Variants in PTPRJ observed in about 807,000 individuals in gnomAD.
PTPRJ encodes the protein receptor-type tyrosine-protein phosphatase eta.
PTPRJ carries 129 observed loss-of-function variants against 141.3 expected under a neutral mutation model. The observed-to-expected ratio is 0.91, with a 90% confidence interval of 0.79 to 1.06. The LOEUF (loss-of-function observed/expected upper bound fraction) is 1.06. PTPRJ is among the 50% of genes least tolerant of loss of function. PTPRJ has a pLI of 0.00. For synonymous variants in PTPRJ, 610 were observed against 640.5 expected, an observed-to-expected ratio of 0.95 and a Z score of 0.72; for missense variants, 1,601 against 1,679.7, an observed-to-expected ratio of 0.95 and a Z score of 0.82.
At chr11:48,108,145 A>G (rs1368740925) in intron 1 of PTPRJ, among the ~76,000 whole-genome samples, 1 of 152,170 alleles carries the variant, frequency 6.6e-6, no homozygotes, top group East Asian at 1.9e-4. Context: ...TGAGCTTCAG[A>G]TTGCACATTG....
intron 6 of PTPRJ, among the ~76,000 whole-genome samples, chr11:48,125,469 A>G (rs2134344873): frequency 6.6e-6 from 1 of 152,322 alleles, no homozygotes; most frequent in Admixed American, 6.5e-5. Context: ...GTGGTGGCTG[A>G]TGAGACAAAC....
chr11:48,009,911 C>G (rs1229256330), intron 1 of PTPRJ, among the ~76,000 whole-genome samples: 1 of 152,224 alleles, frequency 6.6e-6, no homozygotes, highest in Non-Finnish European at 1.5e-5. Flanking sequence ...ATCTACTGCT[C>G]TAAGCCATCA....
At chr11:48,128,217 G>T (rs1485754257) in intron 7 of PTPRJ, among the ~76,000 whole-genome samples, 174 bp downstream of exon 7, 1 of 152,194 alleles carries the variant, frequency 6.6e-6, no homozygotes, top group African/African-American at 2.4e-5. Flanking sequence ...CCTGTGATGT[G>T]GTTGGAAGTA....
chr11:48,005,280 TCA>T (rs1399004084), intron 1 of PTPRJ, among the ~76,000 whole-genome samples: 1 of 151,406 alleles, frequency 6.6e-6, no homozygotes, highest in Non-Finnish European at 1.5e-5. Flanking sequence ...TGTGCAACCA[TCA>T]CTGCTGTCTA....
At chr11:48,153,922 C>T (rs1857543998) in intron 19 of PTPRJ, 36 bp downstream of exon 19, 1 of 1,355,822 alleles carries the variant, frequency 7.4e-7, no homozygotes, top group Non-Finnish European at 1.1e-6. Context: ...TCTCTGTGTT[C>T]CATCAGTGGC....
At chr11:48,105,862 G>T (rs1274825989) in intron 1 of PTPRJ, among the ~76,000 whole-genome samples, 4 of 152,148 alleles carry the variant, frequency 2.6e-5, no homozygotes, top group African/African-American at 9.7e-5. Flanking sequence ...GGCCAGTCTG[G>T]CGAGAGACCC....
At chr11:48,136,960 TA>T in intron 9 of PTPRJ, 42 bp from the exon 10 acceptor site, 1 of 1,506,052 alleles carries the variant, frequency 6.6e-7, no homozygotes, top group Non-Finnish European at 9.1e-7. Context: ...GAATTCTACT[TA>T]ATCTGTGCTT....
intron 8 of PTPRJ, chr11:48,131,384 A>G (rs1856981159): frequency 1.6e-6 from 1 of 640,598 alleles, no homozygotes; most frequent in African/African-American, 1.8e-5. Context: ...CACCCAGCCC[A>G]CAAATATATA....
At chr11:48,052,580 C>A (rs1358968334) in intron 1 of PTPRJ, among the ~76,000 whole-genome samples, 4 of 152,072 alleles carry the variant, frequency 2.6e-5, no homozygotes, top group Non-Finnish European at 5.9e-5. Flanking sequence ...CCAGGCGAGA[C>A]CAGAGATCTC....
At chr11:48,043,712 G>A (rs1233619819) in intron 1 of PTPRJ, among the ~76,000 whole-genome samples, 4 of 152,152 alleles carry the variant, frequency 2.6e-5, no homozygotes, top group Non-Finnish European at 1.5e-5. Flanking sequence ...TGAAATGGAC[G>A]GTGGGATCCT....
At chr11:48,002,020 G>C (rs960155039) in intron 1 of PTPRJ, among the ~76,000 whole-genome samples, 2 of 152,106 alleles carry the variant, frequency 1.3e-5, no homozygotes, top group Non-Finnish European at 2.9e-5. Context: ...GAGAACTAAG[G>C]GAGTACAACT....
intron 1 of PTPRJ, among the ~76,000 whole-genome samples, chr11:48,109,131 T>C (rs1590512563): frequency 6.6e-6 from 1 of 152,058 alleles, no homozygotes; most frequent in South Asian, 2.1e-4. Flanking sequence ...TAGGGGAGAA[T>C]CAGTTTCGAG....
At chr11:48,094,276 G>C (rs1855946867) in intron 1 of PTPRJ, among the ~76,000 whole-genome samples, 1 of 152,218 alleles carries the variant, frequency 6.6e-6, no homozygotes, top group Non-Finnish European at 1.5e-5. Context: ...GTCCCAAAGA[G>C]AGTGCCACTA....
At chr11:48,043,257 C>T (rs950408102) in intron 1 of PTPRJ, among the ~76,000 whole-genome samples, 5 of 152,112 alleles carry the variant, frequency 3.3e-5, no homozygotes, top group Non-Finnish European at 5.9e-5. Context: ...TGCTGTGTTG[C>T]CCAGGCTGGA....
At chr11:48,150,323 T>C (rs1565328695) in intron 18 of PTPRJ, 140 bp downstream of exon 18, 1 of 662,422 alleles carries the variant, frequency 1.5e-6, no homozygotes, top group Non-Finnish European at 2.6e-6. Flanking sequence ...CTTTATTCTC[T>C]CTCCTACAGA....
chr11:48,167,481 G>C lies in PTPRJ; in HGVS notation c.*119G>C. 1 of 1,244,322 alleles carries C rather than the reference G, an allele frequency of 8.0e-7. No individual in the cohort carries two copies. Among genetic ancestry groups the C allele is most frequent in the Non-Finnish European group, 1.1e-6 (1 of 912,028 alleles). The allele number at this position is 1,244,322 out of a possible 1,614,324, so 77.1% of individuals were successfully genotyped here. On this transcript the variant is annotated 3_prime_UTR_variant, in exon 25 of 25. Transcript: ENST00000418331. ...ATCTTAATTCTTTGTTCTGTTTTGT[G>C]AGAACTAATTTTGAGGGCATGAAGC...
chr11:48,118,723 C>T (rs888472092), intron 3 of PTPRJ, among the ~76,000 whole-genome samples: 1 of 152,188 alleles, frequency 6.6e-6, no homozygotes, highest in Non-Finnish European at 1.5e-5. Flanking sequence ...TCAGTAGATG[C>T]AGAAAAAACA....
chr11:48,075,576 C>A (rs1168987113), intron 1 of PTPRJ, among the ~76,000 whole-genome samples: 1 of 151,914 alleles, frequency 6.6e-6, no homozygotes, highest in African/African-American at 2.4e-5. Context: ...TGCCACCATG[C>A]CTGGCTAATT....
At chr11:48,163,397 C>T (rs1021223162) in intron 22 of PTPRJ, 61 bp from the exon 23 acceptor site, 90 of 1,517,734 alleles carry the variant, frequency 5.9e-5, no homozygotes, top group Non-Finnish European at 8.2e-5. Flanking sequence ...ATTTCCCCTG[C>T]CTTTTTGATG....
Sources: gnomAD v4.1 joint callset for allele counts (sites outside exome capture counted in the v4.1 genomes callset) on GRCh38, gnomAD v4.1.1 for gene constraint, MANE v1.5 for transcripts, NCBI Gene and HGNC (gene_info 2026-07-23, HGNC 2026-07-21) for gene names.